Variants in PALM2AKAP2 observed in about 807,000 individuals in gnomAD.
PALM2AKAP2 encodes PALM2-AKAP2 fusion protein.
In PALM2AKAP2, 37 loss-of-function variants were observed where a neutral mutation model predicts 71.5. The ratio of observed to expected loss-of-function variants is 0.52; its 90% confidence interval spans 0.40 to 0.68. The LOEUF (loss-of-function observed/expected upper bound fraction) is 0.68. Among genes scored for constraint, PALM2AKAP2 ranks in the 30% least tolerant of loss-of-function variants. The probability of loss-of-function intolerance (pLI) is 0.00; values close to 1 mark genes in which losing one functional copy is unlikely to be tolerated. For synonymous variants in PALM2AKAP2, 468 were observed against 478.8 expected (o/e 0.98, Z 0.29); for missense variants, 1,224 against 1,191.8 (o/e 1.03, Z -0.40).
intron 3 of PALM2AKAP2, among the ~76,000 whole-genome samples, chr9:109,882,571 T>A (rs117536323): frequency 0.016 from 2,377 of 152,314 alleles, 26 homozygotes; most frequent in Middle Eastern, 0.058. Flanking sequence ...TAGGTGTTAT[T>A]ATAGACAGAA....
intron 1 of PALM2AKAP2, among the ~76,000 whole-genome samples, chr9:109,786,041 A>G (rs1047293567): frequency 2.0e-5 from 3 of 152,242 alleles, no homozygotes; most frequent in Non-Finnish European, 4.4e-5. Context: ...TCAGTCCTGC[A>G]TAGACCTGGG....
In PALM2AKAP2 at chr9:109,783,438, A is replaced by G. The variant is rs550595478; in HGVS notation, c.45+2905A>G. Among the ~76,000 whole-genome samples, 5 of 152,058 alleles carry G rather than the reference A, an allele frequency of 3.3e-5. No homozygotes were observed. In the East Asian group the frequency reaches 7.8e-4, roughly 24 times the overall value. ...CTCAGCCTCCCCAGTAGCTGGGATT[A>G]CAGGCATGTGCCACCATGCCCAGCT... On this transcript the variant is annotated intron_variant, in intron 1 of 9. Coordinates refer to the PALM2AKAP2 transcript ENST00000302798.
At chr9:110,029,214 A>G (rs1041362433) in intron 7 of PALM2AKAP2, among the ~76,000 whole-genome samples, 2 of 152,240 alleles carry the variant, frequency 1.3e-5, no homozygotes, top group Non-Finnish European at 2.9e-5. Flanking sequence ...CAGCAACAAC[A>G]AAAACCCTTT....
At position 110,117,880 on chromosome 9, in the gene PALM2AKAP2, G is replaced by T. The variant is rs201530879; in HGVS notation, c.157-18247G>T. On this transcript the variant is annotated intron_variant, in intron 1 of 3. Coordinates refer to ENST00000374525, the Ensembl canonical transcript of PALM2AKAP2. ...GATAAGCTATATATATATAGAGAGAGAGAGAGAGAGAACTATAGAGAGAGG... is the reference window on the plus strand; with the variant it reads ...GATAAGCTATATATATATAGAGAGATAGAGAGAGAGAACTATAGAGAGAGG... Among the ~76,000 whole-genome samples the T allele has an allele frequency of 7.7e-3, 1,163 of 151,790 alleles. 10 individuals carry two copies. Among genetic ancestry groups the T allele is most frequent in the East Asian group, 0.069 (357 of 5,152 alleles).
intron 3 of PALM2AKAP2, among the ~76,000 whole-genome samples, chr9:109,911,567 A>G (rs1373440280): frequency 6.6e-6 from 1 of 152,254 alleles, no homozygotes; most frequent in African/African-American, 2.4e-5. Context: ...TTAGATCAAG[A>G]TATAAATCAG....
At chr9:109,666,958 T>A (rs375589616) in intron 1 of PALM2AKAP2, among the ~76,000 whole-genome samples, 1 of 152,178 alleles carries the variant, frequency 6.6e-6, no homozygotes, top group African/African-American at 2.4e-5. Context: ...AGAAAGGATG[T>A]TGGGGACCTA....
rs920494319 is a variant in PALM2AKAP2, at chr9:109,848,805, G to A, written c.46-18686G>A. Among the ~76,000 whole-genome samples the A allele has an allele frequency of 4.0e-5, 6 of 150,944 alleles. No homozygotes were observed. In the East Asian group the frequency reaches 1.2e-3, roughly 29 times the overall value. On this transcript the variant is annotated intron_variant, in intron 1 of 9. Transcript: ENST00000302798. ...AAAAAAAAAAAAAAATTAGTTGGGTGTTGTGATGGAGGCTGAGATGGGATG... is the reference window on the plus strand; with the variant it reads ...AAAAAAAAAAAAAAATTAGTTGGGTATTGTGATGGAGGCTGAGATGGGATG...
At chr9:109,714,783 G>A (rs1828291443) in intron 1 of PALM2AKAP2, among the ~76,000 whole-genome samples, 1 of 152,108 alleles carries the variant, frequency 6.6e-6, no homozygotes, top group African/African-American at 2.4e-5. Flanking sequence ...TCACCTGAAG[G>A]CAGCCACCTC....
intron 2 of PALM2AKAP2, among the ~76,000 whole-genome samples, chr9:110,150,014 C>T (rs1209772997): frequency 6.6e-6 from 1 of 152,168 alleles, no homozygotes; most frequent in African/African-American, 2.4e-5. Context: ...AGTCTTAACC[C>T]TCAGTGTGGT....
intron 1 of PALM2AKAP2, among the ~76,000 whole-genome samples, chr9:109,679,111 C>T (rs1025998466): frequency 6.6e-6 from 1 of 152,192 alleles, no homozygotes; most frequent in African/African-American, 2.4e-5. Flanking sequence ...TAGCTTTCTG[C>T]TTATGCTGCT....
chr9:109,962,441 A>C (rs945790071), intron 6 of PALM2AKAP2, among the ~76,000 whole-genome samples: 1 of 152,194 alleles, frequency 6.6e-6, no homozygotes, highest in African/African-American at 2.4e-5. Flanking sequence ...CACTTATTTA[A>C]GTATTGTTTA....
chr9:109,786,615 C>A (rs1272013563), intron 1 of PALM2AKAP2, among the ~76,000 whole-genome samples: 1 of 152,158 alleles, frequency 6.6e-6, no homozygotes, highest in East Asian at 1.9e-4. Context: ...ACACTTTGGG[C>A]CCATGCAGGG....
At position 110,054,233 on chromosome 9, in the gene PALM2AKAP2, C is replaced by T. The variant is rs112214707; in HGVS notation, c.156+5378C>T. 6.4e-3 allele frequency among the ~76,000 whole-genome samples: 975 copies of T among 152,294 alleles called. 11 individuals carry two copies. The highest frequency in any genetic ancestry group is 0.046 in the South Asian group (223 of 4,818). The stretch of plus-strand genomic sequence containing the variant: ...TGACCAACATGGAGAAACCCGGTCT[C>T]TACTAAAAATATAAAATTAGCCGGG... On this transcript the variant is annotated intron_variant, in intron 1 of 3. Transcript: ENST00000374525.
chr9:109,779,059 C>A (rs926467930), upstream of PALM2AKAP2, among the ~76,000 whole-genome samples: 1 of 152,190 alleles, frequency 6.6e-6, no homozygotes, highest in African/African-American at 2.4e-5. Flanking sequence ...TGTGAGCCAC[C>A]GCATCTGGCC....
intron 3 of PALM2AKAP2, among the ~76,000 whole-genome samples, chr9:109,921,675 GTTTCC>G (rs1830833094): frequency 6.6e-6 from 1 of 152,210 alleles, no homozygotes; most frequent in Non-Finnish European, 1.5e-5. Flanking sequence ...TTTGAGTTGA[GTTTCC>G]TAGAGGAGGA....
upstream of PALM2AKAP2, among the ~76,000 whole-genome samples, chr9:110,047,261 A>G (rs151295397): frequency 0.011 from 1,605 of 152,350 alleles, 17 homozygotes; most frequent in Non-Finnish European, 0.016. Context: ...ATTGACATTC[A>G]GGAACCCTGA....
intron 1 of PALM2AKAP2, among the ~76,000 whole-genome samples, chr9:110,100,410 TATC>T (rs1265487986): frequency 6.6e-6 from 1 of 152,126 alleles, no homozygotes; most frequent in Non-Finnish European, 1.5e-5. Flanking sequence ...AGAGGTGGCT[TATC>T]ATAGCAATGC....
At chr9:110,004,828 T>C (rs1361956772) in intron 6 of PALM2AKAP2, among the ~76,000 whole-genome samples, 1 of 152,256 alleles carries the variant, frequency 6.6e-6, no homozygotes, top group Non-Finnish European at 1.5e-5. Context: ...AATTGGCTAC[T>C]GGGGCTTGTG....
intron 1 of PALM2AKAP2, among the ~76,000 whole-genome samples, chr9:110,104,453 T>G (rs1835070118): frequency 6.6e-6 from 1 of 152,200 alleles, no homozygotes; most frequent in South Asian, 2.1e-4. Context: ...TGTGTTCCAG[T>G]GACTTGAAAA....
Sources: gnomAD v4.1 joint callset for allele counts (sites outside exome capture counted in the v4.1 genomes callset) on GRCh38, gnomAD v4.1.1 for gene constraint, MANE v1.5 for transcripts, NCBI Gene and HGNC (gene_info 2026-07-23, HGNC 2026-07-21) for gene names.